Variants in VPS13B observed in about 807,000 individuals in gnomAD.
VPS13B encodes the protein intermembrane lipid transfer protein VPS13B.
In VPS13B, 285 loss-of-function variants were observed where a neutral mutation model predicts 426.4. The observed-to-expected ratio is 0.67, with a 90% CI of 0.61 to 0.74. The LOEUF (loss-of-function observed/expected upper bound fraction) is 0.74. Ranked by LOEUF, VPS13B falls within the 30% of genes least tolerant of loss-of-function variation. VPS13B has a pLI of 0.00. For synonymous variants in VPS13B, 1,676 were observed against 1,676.4 expected, an observed-to-expected ratio of 1.00 and a Z score of 0.01; for missense variants, 4,537 against 4,782.6, an observed-to-expected ratio of 0.95 and a Z score of 1.51.
intron 35 of VPS13B, chr8:99,696,860 C>A: frequency 1.1e-6 from 1 of 886,766 alleles, no homozygotes; most frequent in Non-Finnish European, 1.9e-6. Context: ...GCTGGAGCTG[C>A]AGTCCATCGG....
At chr8:99,369,393 C>G (rs969682685) in intron 19 of VPS13B, among the ~76,000 whole-genome samples, 2 of 152,186 alleles carry the variant, frequency 1.3e-5, no homozygotes, top group Non-Finnish European at 2.9e-5. Context: ...GTTTAAGCCA[C>G]ATACATATCC....
At chr8:99,513,299 C>T (rs951740858) in intron 29 of VPS13B, among the ~76,000 whole-genome samples, 12 of 151,752 alleles carry the variant, frequency 7.9e-5, no homozygotes, top group Non-Finnish European at 1.8e-4. Flanking sequence ...GTTTTATGTT[C>T]CCCATTCCTT....
chr8:99,390,924 C>T (rs531177725), intron 20 of VPS13B, among the ~76,000 whole-genome samples: 31 of 152,284 alleles, frequency 2.0e-4, no homozygotes, highest in African/African-American at 7.0e-4. Context: ...AGCCCTCATG[C>T]ATTCAATAGA....
Position 99,352,337 on chromosome 8 carries a change from T to G in VPS13B, c.2825-31871T>G, listed in dbSNP as rs144957518. 4.8e-3 allele frequency among the ~76,000 whole-genome samples: 728 copies of G among 152,386 alleles called. 2 individuals are homozygous for G. The highest frequency in any genetic ancestry group is 7.7e-3 in the Non-Finnish European group (523 of 68,026). On this transcript the variant is annotated intron_variant, in intron 19 of 61. Transcript: ENST00000357162. ...ACAAATGAAATGACCTCATCCAGTT[T>G]CTTTTCTGAAGAGTTCCATCACTTT...
intron 33 of VPS13B, among the ~76,000 whole-genome samples, chr8:99,596,030 A>G (rs1320402296): frequency 6.6e-6 from 1 of 151,964 alleles, no homozygotes; most frequent in Non-Finnish European, 1.5e-5. Flanking sequence ...AAGAATGTGG[A>G]AAAATTGGAA....
chr8:99,431,800 A>G (rs1817126113), intron 22 of VPS13B, 136 bp downstream of exon 22: 1 of 930,564 alleles, frequency 1.1e-6, no homozygotes, highest in Non-Finnish European at 1.6e-6. Context: ...TTAGTTGAAA[A>G]TAATTGGTGT....
intron 35 of VPS13B, among the ~76,000 whole-genome samples, chr8:99,666,551 C>T (rs1830494642): frequency 6.6e-6 from 1 of 152,112 alleles, no homozygotes; most frequent in African/African-American, 2.4e-5. Context: ...GAACCAAAGA[C>T]AAAAACCACA....
chr8:99,154,345 C>T (rs1207262798), intron 14 of VPS13B, among the ~76,000 whole-genome samples: 1 of 151,832 alleles, frequency 6.6e-6, no homozygotes, highest in East Asian at 1.9e-4. Context: ...TATAGTTGTT[C>T]CACAGTTCTG....
chr8:99,708,762 T>C (rs1442752628), intron 36 of VPS13B, among the ~76,000 whole-genome samples: 1 of 152,102 alleles, frequency 6.6e-6, no homozygotes, highest in East Asian at 1.9e-4. Context: ...TTTGTTATGT[T>C]TTGTCCCACA....
At chr8:99,257,992 T>G (rs536485258) in intron 17 of VPS13B, among the ~76,000 whole-genome samples, 1 of 152,132 alleles carries the variant, frequency 6.6e-6, no homozygotes, top group Admixed American at 6.5e-5. Flanking sequence ...TTAACTAATA[T>G]GAGAAGCAGG....
chr8:99,820,017 G>GGCC lies in VPS13B; in HGVS notation c.8890_8892dup (p.Ala2964dup). On this transcript the variant is annotated inframe_insertion, in exon 49 of 62. Coordinates refer to ENST00000357162, the MANE Select transcript of VPS13B (RefSeq NM_152564.5). ...CTTTGTTGATAGAACTTCTGCCCTGGGCCCTGCTTATCAATGAATCCAAAT... is the reference window on the plus strand; with the variant it reads ...CTTTGTTGATAGAACTTCTGCCCTGGGCCGCCCTGCTTATCAATGAATCCAAAT... The GGCC allele has an allele frequency of 6.2e-7, 1 of 1,613,938 alleles. No homozygotes were observed. Among genetic ancestry groups the GGCC allele is most frequent in the Admixed American group, 1.7e-5 (1 of 59,996 alleles).
At chr8:99,798,175 G>A (rs1443150534) in intron 43 of VPS13B, among the ~76,000 whole-genome samples, 4 of 149,716 alleles carry the variant, frequency 2.7e-5, no homozygotes, top group Admixed American at 6.7e-5. Flanking sequence ...CTACCGTCCA[G>A]CCGCCATCAA....
In VPS13B at chr8:99,192,421, C is replaced by T. The variant is rs551439650; in HGVS notation, c.2334-455C>T. On this transcript the variant is annotated intron_variant, in intron 16 of 61. Coordinates refer to ENST00000357162, the MANE Select transcript of VPS13B (RefSeq NM_152564.5). ...TATGACATTTCATACCTTAATATAT[C>T]GGTGTGTGTCTTGGTTTTCCCATTT... is the stretch of plus-strand genomic sequence containing the variant. Among the ~76,000 whole-genome samples the T allele has an allele frequency of 9.9e-5, 15 of 152,132 alleles. No homozygotes were observed. The South Asian group carries it at 1.0e-3, about 11-fold the overall frequency.
rs145694344 is a variant in VPS13B at position 99,154,289 on chromosome 8, C to G, written c.2014-2260C>G. ...AGATGTTTCTTCTGTTTCTTTCTGT[C>G]TTTTCTTCTCTTGTGGAATTCGTAT... is the stretch of plus-strand genomic sequence containing the variant. On this transcript the variant is annotated intron_variant, in intron 14 of 61. Coordinates refer to ENST00000357162, the MANE Select transcript of VPS13B (RefSeq NM_152564.5). 6.3e-3 allele frequency among the ~76,000 whole-genome samples: 960 copies of G among 151,574 alleles called. 8 individuals carry two copies. The highest frequency in any genetic ancestry group is 0.022 in the African/African-American group (901 of 41,344).
chr8:99,305,116 T>G (rs1240893323), intron 19 of VPS13B, among the ~76,000 whole-genome samples: 1 of 152,134 alleles, frequency 6.6e-6, no homozygotes, highest in Non-Finnish European at 1.5e-5. Context: ...AATCATTACC[T>G]CATTGAAAAT....
rs527616557 is a variant in VPS13B, at chr8:99,478,692, G to A, written c.3667-2907G>A. On this transcript the variant is annotated intron_variant, in intron 24 of 61. Transcript: ENST00000357162. ...TTGAACTCCTGACCTCAGGTGATCC[G>A]CCTGCCTTGGCCTCCCAAAGTGCTG... Among the ~76,000 whole-genome samples the A allele has an allele frequency of 1.9e-3, 287 of 151,242 alleles. 2 individuals are homozygous for A. The highest frequency in any genetic ancestry group is 6.5e-3 in the African/African-American group (270 of 41,296).
intron 10 of VPS13B, 141 bp from the exon 11 acceptor site, chr8:99,135,455 G>C (rs1360595600): frequency 5.2e-6 from 6 of 1,152,478 alleles, no homozygotes; most frequent in Non-Finnish European, 7.3e-6. Context: ...AGTCAATGAA[G>C]GTGGAGCAGC....
At chr8:99,362,691 C>A (rs1812637071) in intron 19 of VPS13B, among the ~76,000 whole-genome samples, 1 of 152,154 alleles carries the variant, frequency 6.6e-6, no homozygotes, top group Non-Finnish European at 1.5e-5. Context: ...GTGTATGCAT[C>A]ACATTTTAAA....
intron 24 of VPS13B, among the ~76,000 whole-genome samples, chr8:99,475,294 A>G (rs935821686): frequency 2.6e-5 from 4 of 152,276 alleles, no homozygotes; most frequent in East Asian, 3.9e-4. Context: ...TTGTTTTTCT[A>G]AAGTCATAGT....
Sources: gnomAD v4.1 joint callset for allele counts (sites outside exome capture counted in the v4.1 genomes callset) on GRCh38, gnomAD v4.1.1 for gene constraint, MANE v1.5 for transcripts, NCBI Gene and HGNC (gene_info 2026-07-23, HGNC 2026-07-21) for gene names.